Variants in BICC1 observed in about 807,000 individuals in gnomAD.
BICC1 encodes the protein BicC family RNA binding protein 1.
Under a neutral mutation model 111.0 loss-of-function variants are expected in BICC1, and 43 were observed. That is an observed-to-expected ratio of 0.39 (90% CI 0.30 to 0.50). The LOEUF (loss-of-function observed/expected upper bound fraction) is 0.50. Ranked by LOEUF, BICC1 falls within the 20% of genes least tolerant of loss-of-function variation. BICC1 has a pLI of 0.88. For missense variants in BICC1, 1,091 were observed against 1,203.2 expected (o/e 0.91, Z 1.38); for synonymous variants, 467 against 434.4 (o/e 1.07, Z -0.93).
chr10:58,518,036 T>C (rs972256604), intron 1 of BICC1, among the ~76,000 whole-genome samples: 1 of 152,188 alleles, frequency 6.6e-6, no homozygotes, highest in Non-Finnish European at 1.5e-5. Flanking sequence ...TTGAGTATAC[T>C]TGTAAAGGTG....
rs1462858988 is a variant in BICC1 at position 58,648,554 on chromosome 10, G to C, written c.237+27653G>C. 3.0e-6 allele frequency: 3 copies of C among 985,142 alleles called. No homozygotes were observed. In the African/African-American group the frequency reaches 5.2e-5, roughly 17 times the overall value. 61.0% of individuals were successfully genotyped at this position (985,142 alleles called of 1,614,324 possible). The stretch of plus-strand genomic sequence containing the variant: ...TATGTCTGTTGCTTTCAAAGGCTAT[G>C]ATATGGAGGGAACAATGGTATGTTT... On this transcript the variant is annotated intron_variant, in intron 2 of 20. Coordinates refer to ENST00000373886, the MANE Select transcript of BICC1 (RefSeq NM_001080512.3).
chr10:58,688,823 G>A (rs1339951896), intron 2 of BICC1, among the ~76,000 whole-genome samples: 1 of 151,964 alleles, frequency 6.6e-6, no homozygotes, highest in Non-Finnish European at 1.5e-5. Context: ...AGTGGGAGCT[G>A]AACAATGAGA....
chr10:58,645,036 C>T (rs1232699692), intron 2 of BICC1, among the ~76,000 whole-genome samples: 11 of 152,030 alleles, frequency 7.2e-5, no homozygotes, highest in Admixed American at 6.5e-4. Flanking sequence ...AAGAACTCCC[C>T]GCCCCACCAA....
chr10:58,728,218 A>T (rs191149458), intron 3 of BICC1, among the ~76,000 whole-genome samples: 2 of 152,304 alleles, frequency 1.3e-5, no homozygotes, highest in African/African-American at 2.4e-5. Flanking sequence ...TTCAGAGTAG[A>T]ACTTCTTTTA....
intron 15 of BICC1, among the ~76,000 whole-genome samples, chr10:58,804,587 A>T (rs1293031307): frequency 6.6e-6 from 1 of 152,250 alleles, no homozygotes; most frequent in Non-Finnish European, 1.5e-5. Context: ...TTTTCAGTTA[A>T]TATGAATTAC....
In BICC1 at chr10:58,788,412, G is replaced by A; in HGVS notation, c.589G>A (p.Val197Ile). Residue 197 changes from valine to isoleucine, a missense_variant, in exon 6 of 21, where the codon GTT becomes ATT. Transcript: ENST00000373886. ...GQPAGVESARVRIRELLPLVL... is the reference protein window; with the variant it reads ...GQPAGVESARIRIRELLPLVL... ...ACCAGCAGGAGTAGAATCTGCCCGA[G>A]TTAGAATTCGGGTAACTATTTATTA... is the stretch of plus-strand genomic sequence containing the variant. The A allele has an allele frequency of 1.2e-6, 2 of 1,609,604 alleles. No individual in the cohort carries two copies. Among genetic ancestry groups the A allele is most frequent in the Non-Finnish European group, 1.7e-6 (2 of 1,176,222 alleles).
chr10:58,565,110 A>G (rs1033307503), intron 1 of BICC1, among the ~76,000 whole-genome samples: 6 of 152,206 alleles, frequency 3.9e-5, no homozygotes, highest in Non-Finnish European at 8.8e-5. Flanking sequence ...GACCATTTAT[A>G]TCAGTGAAAA....
intron 3 of BICC1, among the ~76,000 whole-genome samples, chr10:58,737,023 T>A (rs975909711): frequency 6.6e-6 from 1 of 152,158 alleles, no homozygotes; most frequent in African/African-American, 2.4e-5. Context: ...AATGAAATAC[T>A]ATATATGTCA....
At chr10:58,601,173 T>TATATATAAAA (rs752405472) in intron 1 of BICC1, among the ~76,000 whole-genome samples, 16 of 131,090 alleles carry the variant, frequency 1.2e-4, no homozygotes, top group African/African-American at 4.2e-4. Flanking sequence ...TATATATATC[T>TATATATAAAA]CCCAATAAAA....
intron 2 of BICC1, among the ~76,000 whole-genome samples, chr10:58,676,329 C>T (rs1368453176): frequency 6.6e-6 from 1 of 152,188 alleles, no homozygotes; most frequent in African/African-American, 2.4e-5. Context: ...TGGTCTTGCT[C>T]AGCAGATCCC....
At chr10:58,708,667 C>G (rs1171711202) in intron 3 of BICC1, among the ~76,000 whole-genome samples, 1 of 152,152 alleles carries the variant, frequency 6.6e-6, no homozygotes, top group Non-Finnish European at 1.5e-5. Context: ...GCCACTCCAC[C>G]CTAATCTTTT....
intron 3 of BICC1, among the ~76,000 whole-genome samples, chr10:58,708,062 G>A (rs868504392): frequency 1.6e-5 from 2 of 121,896 alleles, no homozygotes; most frequent in South Asian, 2.7e-4. Context: ...CAGGCTGGTC[G>A]TGAACTCCTG....
At chr10:58,674,134 T>C (rs2132333736) in intron 2 of BICC1, among the ~76,000 whole-genome samples, 1 of 152,342 alleles carries the variant, frequency 6.6e-6, no homozygotes, top group East Asian at 1.9e-4. Flanking sequence ...AAAATCTGAA[T>C]GTCTGGCTAT....
intron 3 of BICC1, among the ~76,000 whole-genome samples, chr10:58,744,394 A>G (rs1228236403): frequency 6.6e-6 from 1 of 152,080 alleles, no homozygotes; most frequent in Non-Finnish European, 1.5e-5. Context: ...TTAAGCTAAT[A>G]CTTGATAAAG....
intron 1 of BICC1, among the ~76,000 whole-genome samples, chr10:58,547,363 G>A (rs1843168286): frequency 6.6e-6 from 1 of 152,142 alleles, no homozygotes; most frequent in South Asian, 2.1e-4. Context: ...GGATCTGTCT[G>A]ATGTTTTTTT....
intron 3 of BICC1, among the ~76,000 whole-genome samples, chr10:58,758,538 C>T (rs985128889): frequency 4.6e-5 from 7 of 152,222 alleles, no homozygotes; most frequent in African/African-American, 1.7e-4. Flanking sequence ...AGGCAGTTCA[C>T]TGTTCTTCTT....
chr10:58,779,606 T>C (rs1318753414), intron 3 of BICC1, among the ~76,000 whole-genome samples: 1 of 152,230 alleles, frequency 6.6e-6, no homozygotes, highest in Non-Finnish European at 1.5e-5. Flanking sequence ...ACAGCAGTGA[T>C]CTAACTGAAT....
chr10:58,657,989 T>C (rs1279335880), intron 2 of BICC1, among the ~76,000 whole-genome samples: 1 of 143,484 alleles, frequency 7.0e-6, no homozygotes, highest in Non-Finnish European at 1.5e-5. Context: ...TGTGTCACCT[T>C]AGGAAAAATT....
chr10:58,810,131 A>T (rs1843853720), intron 17 of BICC1, among the ~76,000 whole-genome samples: 2 of 152,228 alleles, frequency 1.3e-5, no homozygotes, highest in South Asian at 4.1e-4. Context: ...CCCTATGGGG[A>T]TAAGGGCAGG....
Sources: gnomAD v4.1 joint callset for allele counts (sites outside exome capture counted in the v4.1 genomes callset) on GRCh38, gnomAD v4.1.1 for gene constraint, MANE v1.5 for transcripts, NCBI Gene and HGNC (gene_info 2026-07-23, HGNC 2026-07-21) for gene names.